ELAVL2: variants seen among roughly 807,000 people sequenced by gnomAD.
ELAVL2 encodes ELAV like RNA binding protein 2.
A neutral mutation model predicts 34.6 loss-of-function variants in ELAVL2; 4 were observed. The observed-to-expected ratio is 0.12, with a 90% CI of 0.06 to 0.26. ELAVL2 has a LOEUF of 0.26. Among genes scored for constraint, ELAVL2 ranks in the 10% least tolerant of loss-of-function variants. ELAVL2 has a pLI of 1.00. For missense variants in ELAVL2, 432 were observed against 442.8 expected, an observed-to-expected ratio of 0.98 and a Z score of 0.22; for synonymous variants, 193 against 154.8, an observed-to-expected ratio of 1.25 and a Z score of -1.83.
the ELAVL2 span, among the ~76,000 whole-genome samples, chr9:23,837,909 A>C: frequency 6.6e-6 from 1 of 152,176 alleles, no homozygotes; most frequent in Non-Finnish European, 1.5e-5. Flanking sequence ...AAAAAGATTC[A>C]GGTCAAATAT....
intron 3 of ELAVL2, among the ~76,000 whole-genome samples, chr9:23,729,719 T>C (rs1304414567): frequency 6.6e-6 from 1 of 152,076 alleles, no homozygotes; most frequent in African/African-American, 2.4e-5. Flanking sequence ...ACTATATACT[T>C]TCATTTAGAT....
At chr9:23,815,191 T>C (rs770397626) in intron 1 of ELAVL2, among the ~76,000 whole-genome samples, 1 of 152,208 alleles carries the variant, frequency 6.6e-6, no homozygotes, top group Non-Finnish European at 1.5e-5. Context: ...ATTTAAAATT[T>C]TGATTTTTCA....
In ELAVL2 at chr9:23,731,076, T is replaced by C. The variant is rs1306912156; in HGVS notation, c.279A>G (p.Ala93=). Residue 93 remains alanine, a synonymous_variant, in exon 3 of 7, where the codon GCA becomes GCG. Transcript: ENST00000397312. The part of the protein sequence containing the change: ...GFVNYIDPKD[A]EKAINTLNGL... ...CATTCAGGGTGTTGATAGCTTTCTC[T>C]GCATCCTTGGGGTCAATGTAGTTCA... The C allele has an allele frequency of 1.2e-6, 2 of 1,613,346 alleles. No homozygotes were observed. The highest frequency in any genetic ancestry group is 1.7e-6 in the Non-Finnish European group (2 of 1,179,510).
At chr9:23,795,118 A>C (rs2060761418) in intron 1 of ELAVL2, among the ~76,000 whole-genome samples, 1 of 152,228 alleles carries the variant, frequency 6.6e-6, no homozygotes, top group Admixed American at 6.5e-5. Context: ...CAATATTTTC[A>C]AAGTCAACAA....
chr9:23,697,887 G>C (rs147122245), intron 5 of ELAVL2, among the ~76,000 whole-genome samples: 2 of 151,580 alleles, frequency 1.3e-5, no homozygotes, highest in Non-Finnish European at 2.9e-5. Flanking sequence ...TCTCTCCAAA[G>C]CGCCAACCGA....
At chr9:23,744,450 A>G (rs1156594922) in intron 2 of ELAVL2, among the ~76,000 whole-genome samples, 1 of 152,166 alleles carries the variant, frequency 6.6e-6, no homozygotes, top group Non-Finnish European at 1.5e-5. Context: ...TAATGAAGGA[A>G]TAAAATAGTT....
At chr9:23,727,640 G>A (rs1254733000) in intron 3 of ELAVL2, among the ~76,000 whole-genome samples, 1 of 152,040 alleles carries the variant, frequency 6.6e-6, no homozygotes, top group East Asian at 1.9e-4. Context: ...TGTGGACAGG[G>A]ATCGAGTAGA....
intron 1 of ELAVL2, among the ~76,000 whole-genome samples, chr9:23,820,083 A>T (rs910742978): frequency 4.6e-5 from 7 of 152,180 alleles, no homozygotes; most frequent in African/African-American, 1.7e-4. Flanking sequence ...CCCGCTCACC[A>T]AAATGGAAAC....
intron 1 of ELAVL2, among the ~76,000 whole-genome samples, chr9:23,806,393 T>C (rs1428255449): frequency 2.0e-5 from 3 of 152,104 alleles, no homozygotes; most frequent in Non-Finnish European, 1.5e-5. Context: ...CCCAGCACTT[T>C]GGAAGTCCAA....
At chr9:23,770,554 T>A (rs2057121137) in intron 1 of ELAVL2, among the ~76,000 whole-genome samples, 1 of 152,080 alleles carries the variant, frequency 6.6e-6, no homozygotes, top group Admixed American at 6.6e-5. Context: ...AAGAGGAAGG[T>A]GAGACTGTCA....
the ELAVL2 span, among the ~76,000 whole-genome samples, chr9:23,847,092 C>A: frequency 6.6e-6 from 1 of 152,062 alleles, no homozygotes; most frequent in African/African-American, 2.4e-5. Flanking sequence ...ATGACTGAGT[C>A]ATAGCAGGTA....
chr9:23,844,147 C>T, the ELAVL2 span, among the ~76,000 whole-genome samples: 2 of 151,990 alleles, frequency 1.3e-5, no homozygotes, highest in Non-Finnish European at 2.9e-5. Flanking sequence ...CAACCACAGG[C>T]ATATTAGCGA....
rs1393344685 is a variant in ELAVL2 at position 23,731,063 on chromosome 9, T to C, written c.292A>G (p.Asn98Asp). The change falls in exon 3 of 7, where the codon AAC becomes GAC. Residue 98 changes from asparagine to aspartate, a missense_variant. Asn to Asp is a conservative substitution (Grantham distance 23). Coordinates refer to ENST00000397312, the MANE Select transcript of ELAVL2 (RefSeq NM_004432.5). ...IDPKDAEKAI[N>D]TLNGLRLQTK... ...TGAAGTCTCAATCCATTCAGGGTGT[T>C]GATAGCTTTCTCTGCATCCTTGGGG... 8 of 1,613,328 alleles carry C rather than the reference T, an allele frequency of 5.0e-6. No individual in the cohort carries two copies. Among genetic ancestry groups the C allele is most frequent in the Non-Finnish European group, 6.8e-6 (8 of 1,179,486 alleles).
intron 1 of ELAVL2, among the ~76,000 whole-genome samples, chr9:23,772,034 C>T (rs913324888): frequency 6.6e-6 from 1 of 152,140 alleles, no homozygotes; most frequent in Non-Finnish European, 1.5e-5. Flanking sequence ...AGAATAAAAT[C>T]AACTACTCCC....
chr9:23,776,150 T>TAAAG (rs2136518200), intron 1 of ELAVL2, among the ~76,000 whole-genome samples: 1 of 152,230 alleles, frequency 6.6e-6, no homozygotes, highest in East Asian at 1.9e-4. Flanking sequence ...AGGTTGTTTA[T>TAAAG]AAAGAGGAAG....
the ELAVL2 span, chr9:23,849,746 A>G: frequency 2.0e-4 from 31 of 152,336 alleles, no homozygotes; most frequent in African/African-American, 7.2e-4. Context: ...AGAGAAAAAC[A>G]AAATTAGCAC....
At chr9:23,764,874 G>T (rs959460811) in intron 1 of ELAVL2, 1 of 835,350 alleles carries the variant, frequency 1.2e-6, no homozygotes, top group Non-Finnish European at 1.9e-6. Context: ...CCTAATGATG[G>T]CCATACCACA....
At chr9:23,696,094 T>G (rs937572500) in intron 5 of ELAVL2, among the ~76,000 whole-genome samples, 4 of 152,184 alleles carry the variant, frequency 2.6e-5, no homozygotes, top group Non-Finnish European at 5.9e-5. Context: ...AGAAAAAAAT[T>G]GGTCCTTTGG....
At chr9:23,704,406 G>A (rs190650840) in intron 4 of ELAVL2, among the ~76,000 whole-genome samples, 51 of 152,146 alleles carry the variant, frequency 3.4e-4, no homozygotes, top group Non-Finnish European at 6.3e-4. Context: ...AGTGATATTA[G>A]GAATAAAATA....
Sources: gnomAD v4.1 joint callset for allele counts (sites outside exome capture counted in the v4.1 genomes callset) on GRCh38, gnomAD v4.1.1 for gene constraint, MANE v1.5 for transcripts, NCBI Gene and HGNC (gene_info 2026-07-23, HGNC 2026-07-21) for gene names.